The following GULP1 variants were observed in gnomAD, a reference collection of about 807,000 sequenced individuals.
GULP1 encodes the protein PTB domain-containing engulfment adapter protein 1.
In GULP1, 19 loss-of-function variants were observed where a neutral mutation model predicts 40.9. That is an observed-to-expected ratio of 0.46 (90% CI 0.32 to 0.68). The LOEUF (loss-of-function observed/expected upper bound fraction) is 0.68, where lower values mean the gene tolerates loss of function less well. GULP1 is among the 30% of genes least tolerant of loss of function. The probability of loss-of-function intolerance (pLI) is 0.03; values close to 1 mark genes in which losing one functional copy is unlikely to be tolerated. For synonymous variants in GULP1, 119 were observed against 117.6 expected, an observed-to-expected ratio of 1.01 and a Z score of -0.08; for missense variants, 312 against 362.2, an observed-to-expected ratio of 0.86 and a Z score of 1.12.
chr2:188,327,558 T>A (rs1406583260), intron 1 of GULP1, among the ~76,000 whole-genome samples: 1 of 152,116 alleles, frequency 6.6e-6, no homozygotes, highest in Non-Finnish European at 1.5e-5. Flanking sequence ...CTCCTTATTT[T>A]TTCAGGCTGT....
chr2:188,333,633 T>G (rs540469539), intron 1 of GULP1, among the ~76,000 whole-genome samples: 136 of 152,190 alleles, frequency 8.9e-4, no homozygotes, highest in Non-Finnish European at 1.5e-3. Context: ...GAGTTCATTT[T>G]GTACTCCTTA....
chr2:188,485,212 T>C (rs2061761057), intron 4 of GULP1, among the ~76,000 whole-genome samples: 1 of 152,098 alleles, frequency 6.6e-6, no homozygotes, highest in African/African-American at 2.4e-5. Context: ...GGTTATATTA[T>C]AATTAGATCT....
At chr2:188,428,895 T>A (rs866174590) in intron 2 of GULP1, among the ~76,000 whole-genome samples, 40 of 152,230 alleles carry the variant, frequency 2.6e-4, no homozygotes, top group African/African-American at 7.7e-4. Context: ...GTTTTTTTTT[T>A]AATTTACTCT....
intron 4 of GULP1, among the ~76,000 whole-genome samples, chr2:188,513,312 A>G (rs1179798877): frequency 6.6e-6 from 1 of 152,052 alleles, no homozygotes; most frequent in Non-Finnish European, 1.5e-5. Context: ...AATATTCTAA[A>G]TTTCCCATCT....
intron 1 of GULP1, among the ~76,000 whole-genome samples, chr2:188,333,194 C>T (rs1255873255): frequency 1.3e-5 from 2 of 151,180 alleles, no homozygotes; most frequent in African/African-American, 4.9e-5. Flanking sequence ...TACAGTGAGC[C>T]AAGATCATGC....
intron 1 of GULP1, among the ~76,000 whole-genome samples, chr2:188,353,145 A>T (rs2044739901): frequency 6.6e-6 from 1 of 152,184 alleles, no homozygotes; most frequent in African/African-American, 2.4e-5. Flanking sequence ...CAAATGCTTT[A>T]TGAGGTTCTT....
chr2:188,517,081 G>A (rs1449201748), intron 4 of GULP1, among the ~76,000 whole-genome samples: 3 of 151,922 alleles, frequency 2.0e-5, no homozygotes, highest in African/African-American at 7.3e-5. Context: ...CATAAGGGCA[G>A]GGAAATTTGT....
Position 188,482,022 on chromosome 2 carries a change from C to T in GULP1, c.29-1409C>T, listed in dbSNP as rs184467360. Among the ~76,000 whole-genome samples, 53 of 149,128 alleles carry T rather than the reference C, an allele frequency of 3.6e-4. 1 individual carries two copies. The highest frequency in any genetic ancestry group is 3.1e-3 in the East Asian group (16 of 5,146). On this transcript the variant is annotated intron_variant, in intron 3 of 11. Coordinates refer to ENST00000409830, the MANE Select transcript of GULP1 (RefSeq NM_016315.4). ...ACAAATTTCACACATTAAATGTCAA[C>T]GTCAATATTTTTTGAAGCTTAGAAT... is the stretch of plus-strand genomic sequence containing the variant.
chr2:188,472,587 C>T (rs1293225709), intron 2 of GULP1, among the ~76,000 whole-genome samples: 2 of 151,990 alleles, frequency 1.3e-5, no homozygotes, highest in Admixed American at 6.6e-5. Flanking sequence ...TGTTCTTTAC[C>T]ATGTCCATTG....
chr2:188,480,203 G>A (rs1381208030), intron 3 of GULP1, among the ~76,000 whole-genome samples: 1 of 151,946 alleles, frequency 6.6e-6, no homozygotes, highest in Non-Finnish European at 1.5e-5. Context: ...TTGTATATCT[G>A]GATAAGCTGG....
chr2:188,368,354 G>C (rs2047083570), intron 1 of GULP1, among the ~76,000 whole-genome samples: 1 of 152,120 alleles, frequency 6.6e-6, no homozygotes, highest in Non-Finnish European at 1.5e-5. Context: ...GCATAGGCGG[G>C]TGGATCACTT....
chr2:188,345,120 T>C (rs1260437481), intron 1 of GULP1, among the ~76,000 whole-genome samples: 1 of 152,194 alleles, frequency 6.6e-6, no homozygotes, highest in Non-Finnish European at 1.5e-5. Flanking sequence ...AGTGTGGTTT[T>C]GAAAAATTAT....
At position 188,291,902 on chromosome 2, in the gene GULP1, C is replaced by CGAG. The variant is rs1221219911; in HGVS notation, c.-436_-435insGAG. 2 of 152,274 alleles carry CGAG rather than the reference C, an allele frequency of 1.3e-5. No homozygotes were observed. Among genetic ancestry groups the CGAG allele is most frequent in the African/African-American group, 4.8e-5 (2 of 41,394 alleles). 9.4% of individuals were successfully genotyped at this position (152,274 alleles called of 1,614,324 possible). On this transcript the variant is annotated 5_prime_UTR_variant, in exon 1 of 12. Coordinates refer to ENST00000409830, the MANE Select transcript of GULP1 (RefSeq NM_016315.4). ...CCCGGCCGGGAGCGACCCGGAGTCC[C>CGAG]CAGCCCCGCGTCCCAGCTGCCGCCA...
At chr2:188,314,983 C>G (rs1309453434) in intron 1 of GULP1, among the ~76,000 whole-genome samples, 1 of 152,012 alleles carries the variant, frequency 6.6e-6, no homozygotes, top group Non-Finnish European at 1.5e-5. Context: ...CCTTATTTTA[C>G]TTAATAATGG....
At chr2:188,574,504 G>A (rs2153442011) in intron 9 of GULP1, among the ~76,000 whole-genome samples, 1 of 152,176 alleles carries the variant, frequency 6.6e-6, no homozygotes, top group East Asian at 1.9e-4. Flanking sequence ...CATGCCTGTA[G>A]TCTCAGCTAC....
At chr2:188,429,961 G>A (rs747467148) in intron 2 of GULP1, among the ~76,000 whole-genome samples, 45 of 151,968 alleles carry the variant, frequency 3.0e-4, no homozygotes, top group Non-Finnish European at 6.2e-4. Flanking sequence ...CACCTGCCTC[G>A]GCCTCCCAAA....
At chr2:188,367,326 G>A (rs551957092) in intron 1 of GULP1, among the ~76,000 whole-genome samples, 1 of 152,202 alleles carries the variant, frequency 6.6e-6, no homozygotes, top group Non-Finnish European at 1.5e-5. Flanking sequence ...TGTCTCAGCT[G>A]CAGGGCAGAC....
chr2:188,423,053 G>A (rs2055675559), intron 2 of GULP1, among the ~76,000 whole-genome samples: 1 of 151,884 alleles, frequency 6.6e-6, no homozygotes, highest in Admixed American at 6.6e-5. Flanking sequence ...AACTAAATTT[G>A]GTTTCTTTTC....
intron 5 of GULP1, among the ~76,000 whole-genome samples, chr2:188,527,418 G>C (rs994203014): frequency 3.3e-5 from 5 of 152,078 alleles, no homozygotes; most frequent in Admixed American, 2.6e-4. Flanking sequence ...GACTTATTTT[G>C]TAAGCCTTCC....
Sources: allele counts gnomAD v4.1 joint callset (sites outside exome capture counted in the v4.1 genomes callset), GRCh38; gene constraint gnomAD v4.1.1; transcripts MANE v1.5; gene names NCBI Gene and HGNC (gene_info 2026-07-23, HGNC 2026-07-21).